Variants in ITGAD observed in about 807,000 individuals in gnomAD.
ITGAD encodes the protein integrin alpha-D.
In ITGAD, 105 loss-of-function variants were observed where a neutral mutation model predicts 139.0. The ratio of observed to expected loss-of-function variants is 0.76; its 90% confidence interval spans 0.65 to 0.89. The LOEUF is 0.89. ITGAD is among the 40% of genes least tolerant of loss of function. The pLI, the probability that ITGAD is intolerant of heterozygous loss-of-function variation, is 0.00. For synonymous variants in ITGAD, 569 were observed against 598.3 expected (o/e 0.95, Z 0.71); for missense variants, 1,384 against 1,487.3 (o/e 0.93, Z 1.14).
rs570941501 is a variant in ITGAD at position 31,411,514 on chromosome 16, C to T, written c.1704C>T (p.Ser568=). 6.2e-7 allele frequency: 1 copy of T among 1,614,098 alleles called. No individual in the cohort carries two copies. The highest frequency in any genetic ancestry group is 8.5e-7 in the Non-Finnish European group (1 of 1,179,950). The change falls in exon 14 of 30, where the codon AGC becomes AGT. Residue 568 remains serine, a synonymous_variant. Transcript: ENST00000389202. ...AATCCGGCATCAGCCCCTCCCACAG[C>T]CAGGTGAGGCCCGTCTTCAGCCTCT... ...ASESGISPSH[S]QRIASSQLSP...
intron 16 of ITGAD, 43 bp downstream of exon 16, chr16:31,413,289 T>C: frequency 6.3e-7 from 1 of 1,599,858 alleles, no homozygotes; most frequent in Non-Finnish European, 8.5e-7. Context: ...CTCATTCCAT[T>C]AGGGGCCCCA....
At chr16:31,396,426 T>C (rs894190989) in intron 2 of ITGAD, among the ~76,000 whole-genome samples, 1 of 152,174 alleles carries the variant, frequency 6.6e-6, no homozygotes, top group African/African-American at 2.4e-5. Flanking sequence ...TGAGCTGAGA[T>C]CACGCCATTG....
chr16:31,421,679 C>T (rs1228476928), intron 23 of ITGAD, among the ~76,000 whole-genome samples: 1 of 152,088 alleles, frequency 6.6e-6, no homozygotes, highest in African/African-American at 2.4e-5. Context: ...AACTCTACTA[C>T]AGGGAGGTTG....
At chr16:31,423,056 C>A in intron 23 of ITGAD, 58 bp from the exon 24 acceptor site, 1 of 1,327,898 alleles carries the variant, frequency 7.5e-7, no homozygotes, top group Non-Finnish European at 1.1e-6. Flanking sequence ...TGCAGTAGGA[C>A]AGGGCACAAC....
chr16:31,416,297 A>G lies in ITGAD; in HGVS notation c.2357+11A>G. 1 of 1,593,202 alleles carries G rather than the reference A, an allele frequency of 6.3e-7. No homozygotes were observed. The highest frequency in any genetic ancestry group is 8.6e-7 in the Non-Finnish European group (1 of 1,167,106). The stretch of plus-strand genomic sequence containing the variant: ...CCTCAGCTTCTCAGGGTGAGCTGTA[A>G]CTCCCTTCATATCCAGACACTCAGG... On this transcript the variant is annotated intron_variant, in intron 19 of 29. Transcript: ENST00000389202.
chr16:31,400,885 C>T (rs550526201), intron 5 of ITGAD, among the ~76,000 whole-genome samples: 1 of 152,174 alleles, frequency 6.6e-6, no homozygotes, highest in Non-Finnish European at 1.5e-5. Context: ...GGATTACAGG[C>T]GTGAGCCACC....
chr16:31,397,356 C>T lies in ITGAD; in HGVS notation c.138-3C>T, dbSNP rs2081290220. On this transcript the variant is annotated splice_region_variant and splice_polypyrimidine_tract_variant and intron_variant, in intron 2 of 29. Coordinates refer to ENST00000389202, the MANE Select transcript of ITGAD (RefSeq NM_005353.3). ...AGTGACATGGCCATGGTTGTGTCTC[C>T]AGACTCGTGGTGGGAGCACCCCTGG... is the stretch of plus-strand genomic sequence containing the variant. The T allele has an allele frequency of 6.3e-7, 1 of 1,588,388 alleles. No homozygotes were observed. The highest frequency in any genetic ancestry group is 2.3e-5 in the East Asian group (1 of 43,542).
In ITGAD at chr16:31,426,253, C is replaced by G; in HGVS notation, c.*125C>G. ...CCTAAGCAACCTACCAGGTGCTAAG[C>G]ACCTTCTCGGAGAGATAGAGATTGT... On this transcript the variant is annotated 3_prime_UTR_variant, in exon 30 of 30. Coordinates refer to ENST00000389202, the MANE Select transcript of ITGAD (RefSeq NM_005353.3). 1 of 665,492 alleles carries G rather than the reference C, an allele frequency of 1.5e-6. No homozygotes were observed. The highest frequency in any genetic ancestry group is 2.8e-5 in the East Asian group (1 of 35,898). 41.2% of individuals were successfully genotyped at this position (665,492 alleles called of 1,614,324 possible). A position where few individuals can be genotyped will look rare whatever the true frequency, so the allele number is the denominator to read the frequency against.
chr16:31,416,774 CACAT>C (rs2081899403), intron 20 of ITGAD, 128 bp downstream of exon 20: 3 of 833,162 alleles, frequency 3.6e-6, no homozygotes, highest in Non-Finnish European at 5.5e-6. Flanking sequence ...CACACACACA[CACAT>C]ACACACAGAG....
rs755209460 is a variant in ITGAD, at chr16:31,401,752, T to C, written c.428-363T>C. ...TAAGTAATGTGCCTGAATTCACCAA[T>C]TAGCACGTGGCTGAGCTGGGGTTTA... is the stretch of plus-strand genomic sequence containing the variant. On this transcript the variant is annotated intron_variant, in intron 5 of 29. Coordinates refer to ENST00000389202, the MANE Select transcript of ITGAD (RefSeq NM_005353.3). Among the ~76,000 whole-genome samples, 64 of 152,258 alleles carry C rather than the reference T, an allele frequency of 4.2e-4. 1 individual carries two copies. Among genetic ancestry groups the C allele is most frequent in the Admixed American group, 1.7e-3 (26 of 15,286 alleles).
At chr16:31,419,792 G>A (rs1225278765) in intron 23 of ITGAD, among the ~76,000 whole-genome samples, 49 of 123,484 alleles carry the variant, frequency 4.0e-4, no homozygotes, top group Non-Finnish European at 6.9e-4. Context: ...GCTCAGGGGT[G>A]ACAGATTAAG....
chr16:31,397,807 A>C lies in ITGAD; in HGVS notation c.325A>C (p.Thr109Pro). 6.2e-7 allele frequency: 1 copy of C among 1,613,234 alleles called. No individual in the cohort carries two copies. Among genetic ancestry groups the C allele is most frequent in the Non-Finnish European group, 8.5e-7 (1 of 1,179,836 alleles). The change falls in exon 5 of 30, where the codon ACC becomes CCC. Residue 109 changes from threonine (T) to proline (P), a missense_variant. Coordinates refer to ENST00000389202, the MANE Select transcript of ITGAD (RefSeq NM_005353.3). ...CTTCTGCCTCCAGGCCTGTGGCCCG[A>C]CCCTGCACAGAGTCTGTGGGGAGAA... ...NGSRLLACGP[T>P]LHRVCGENSY...
chr16:31,411,169 G>T lies in ITGAD; in HGVS notation c.1450G>T (p.Glu484Ter). Reference protein sequence around the residue: ...LILIGAPHYYEQTRGGQVSVC... With the variant: ...LILIGAPHYY Reference sequence around the variant, plus strand: ...CCTCATTGGGGCCCCCCATTACTATGAGCAGACCCGAGGGGGCCAGGTGTC... The same window carrying T: ...CCTCATTGGGGCCCCCCATTACTATTAGCAGACCCGAGGGGGCCAGGTGTC... Residue 484 changes from glutamate to a stop codon, truncating the protein, a stop_gained, in exon 13 of 30, where the codon GAG (glutamate) becomes TAG (stop). Coordinates refer to ENST00000389202, the MANE Select transcript of ITGAD (RefSeq NM_005353.3). LOFTEE classifies it high-confidence loss of function. 1.2e-6 allele frequency: 2 copies of T among 1,613,996 alleles called. No homozygotes were observed. The highest frequency in any genetic ancestry group is 2.2e-5 in the East Asian group (1 of 44,880).
chr16:31,410,671 G>C lies in ITGAD; in HGVS notation c.1214-65G>C, dbSNP rs1434073617. ...GGGAGATGGGGGCTGCGCTGCCTGGGGTGGGGGTCCAGGGTTCTGGGGAGG... is the reference window on the plus strand; with the variant it reads ...GGGAGATGGGGGCTGCGCTGCCTGGCGTGGGGGTCCAGGGTTCTGGGGAGG... On this transcript the variant is annotated intron_variant, in intron 11 of 29. Transcript: ENST00000389202. The C allele has an allele frequency of 1.9e-6, 3 of 1,564,332 alleles. No individual in the cohort carries two copies. The African/African-American group carries it at 4.1e-5, about 21-fold the overall frequency.
chr16:31,411,098 C>G lies in ITGAD; in HGVS notation c.1379C>G (p.Ser460Cys). ...CAGATCGGCTCCTACTTCGGGGCCT[C>G]CCTCTGCTCTGTGGATGTGGACAGC... ...GTQIGSYFGA[S>C]LCSVDVDSDG... Residue 460 changes from serine (S) to cysteine (C), a missense_variant, in exon 13 of 30, where the codon TCC (serine) becomes TGC (cysteine). By Grantham distance (112) the Ser-to-Cys change is moderately radical. Coordinates refer to ENST00000389202, the MANE Select transcript of ITGAD (RefSeq NM_005353.3). 6.2e-7 allele frequency: 1 copy of G among 1,612,592 alleles called. No homozygotes were observed.
intron 10 of ITGAD, 112 bp downstream of exon 10, chr16:31,408,610 C>T (rs1286292395): frequency 3.4e-6 from 3 of 891,036 alleles, no homozygotes; most frequent in Non-Finnish European, 5.3e-6. Context: ...CCTCAATCGC[C>T]AGGGAGAGGC....
intron 2 of ITGAD, among the ~76,000 whole-genome samples, chr16:31,396,006 T>C (rs2142569855): frequency 6.6e-6 from 1 of 152,256 alleles, no homozygotes; most frequent in South Asian, 2.1e-4. Context: ...AGACCCAATC[T>C]GATAAAGGAT....
At chr16:31,397,522 T>G (rs1004113426) in intron 3 of ITGAD, 60 bp downstream of exon 3, 10 of 1,587,122 alleles carry the variant, frequency 6.3e-6, no homozygotes, top group Middle Eastern at 1.7e-4. Context: ...GTGCCCCCGC[T>G]TAGCTTCCAG....
intron 16 of ITGAD, among the ~76,000 whole-genome samples, chr16:31,413,987 G>C (rs2081809058): frequency 6.6e-6 from 1 of 152,158 alleles, no homozygotes; most frequent in South Asian, 2.1e-4. Flanking sequence ...TTCTTTCTTA[G>C]ATTGTGAGGT....
Sources: gnomAD v4.1 joint callset for allele counts (sites outside exome capture counted in the v4.1 genomes callset) on GRCh38, gnomAD v4.1.1 for gene constraint, MANE v1.5 for transcripts, NCBI Gene and HGNC (gene_info 2026-07-23, HGNC 2026-07-21) for gene names.